PTCH1: variants seen among roughly 807,000 people sequenced by gnomAD.
PTCH1 encodes the protein patched 1.
A neutral mutation model predicts 144.6 loss-of-function variants in PTCH1; 14 were observed. That is an observed-to-expected ratio of 0.10 (90% CI 0.06 to 0.15). The LOEUF (loss-of-function observed/expected upper bound fraction) is 0.15. Among genes scored for constraint, PTCH1 ranks in the 10% least tolerant of loss-of-function variants. PTCH1 has a pLI of 1.00. For synonymous variants in PTCH1, 833 were observed against 793.6 expected (o/e 1.05, Z -0.83); for missense variants, 1,623 against 1,948.3 (o/e 0.83, Z 3.14).
At chr9:95,470,279 C>G (rs536036650) in intron 12 of PTCH1, among the ~76,000 whole-genome samples, 2 of 152,330 alleles carry the variant, frequency 1.3e-5, no homozygotes, top group Non-Finnish European at 1.5e-5. Flanking sequence ...CAAACAGAAG[C>G]AGTTCCCTTC....
chr9:95,469,870 C>T lies in PTCH1; in HGVS notation c.1790G>A (p.Ser597Asn), dbSNP rs2118093133. The T allele has an allele frequency of 6.2e-7, 1 of 1,614,116 alleles. No homozygotes were observed. The highest frequency in any genetic ancestry group is 8.5e-7 in the Non-Finnish European group (1 of 1,180,026). ...MVLLIFPAILSMDLYRREDRR... is the reference protein window; with the variant it reads ...MVLLIFPAILNMDLYRREDRR... ...GTCCTCGCGTCGATATAAATCCATG[C>T]TGAGAATTGCAGGAAAAATGAGCAG... The change falls in exon 13 of 24, where the codon AGC (serine) becomes AAC (asparagine). Residue 597 changes from serine to asparagine, a missense_variant. Ser to Asn is a conservative substitution (Grantham distance 46). Around this residue, in one of 7 missense-constraint regions of PTCH1, gnomAD observed 135 missense variants for 228.7 expected, o/e 0.59. Coordinates refer to ENST00000331920, the MANE Select transcript of PTCH1 (RefSeq NM_000264.5).
chr9:95,505,503 A>C (rs1164852316), intron 2 of PTCH1, among the ~76,000 whole-genome samples: 2 of 152,174 alleles, frequency 1.3e-5, no homozygotes, highest in African/African-American at 4.8e-5. Flanking sequence ...TCTTCGAAAA[A>C]ATATATATCT....
At position 95,481,488 on chromosome 9, in the gene PTCH1, TC is replaced by T. The variant is rs753222663; in HGVS notation, c.746+460del. Among the ~76,000 whole-genome samples, 11 of 152,346 alleles carry T rather than the reference TC, an allele frequency of 7.2e-5. No homozygotes were observed. In the East Asian group the frequency reaches 1.2e-3, roughly 16 times the overall value. ...CTGTGGCCTTCACAGATAGTGGATT[TC>T]CCCCTTAAATGCCATTAGTGTGATC... On this transcript the variant is annotated intron_variant, in intron 5 of 23. Transcript: ENST00000331920.
rs1838210172 is a variant in PTCH1, at chr9:95,449,118, T to C, written c.3755A>G (p.His1252Arg). The change falls in exon 22 of 24, where the codon CAC becomes CGC. Residue 1252 changes from histidine to arginine, a missense_variant. This residue lies in a region of PTCH1 where 291 missense variants were observed against 287.4 expected (regional missense o/e 1.01). Coordinates refer to ENST00000331920, the MANE Select transcript of PTCH1 (RefSeq NM_000264.5). This position sits in a 1 kb window ranked among gnomAD's most constrained non-coding sequence, Gnocchi z 5.3. ...TTCTGTGGCTTCCACGATCACTTGG[T>C]GGGCAGGGCCTCCCGCGCCCTGCTG... is the stretch of plus-strand genomic sequence containing the variant. ...EAQQGAGGPA[H>R]QVIVEATENP... 1 of 1,614,176 alleles carries C rather than the reference T, an allele frequency of 6.2e-7. No homozygotes were observed. The highest frequency in any genetic ancestry group is 8.5e-7 in the Non-Finnish European group (1 of 1,180,030).
Position 95,449,751 on chromosome 9 carries a change from G to T in PTCH1, c.3549+90C>A. On this transcript the variant is annotated intron_variant, in intron 21 of 23. Coordinates refer to ENST00000331920, the MANE Select transcript of PTCH1 (RefSeq NM_000264.5). This position sits in a 1 kb window ranked among gnomAD's most constrained non-coding sequence, Gnocchi z 5.3. ...TTACTGAAGAACCACCAGCAAGTGGGGAGGCACCTAAGTATCGAAGTGAAG... is the reference window on the plus strand; with the variant it reads ...TTACTGAAGAACCACCAGCAAGTGGTGAGGCACCTAAGTATCGAAGTGAAG... 2 of 1,185,332 alleles carry T rather than the reference G, an allele frequency of 1.7e-6. No homozygotes were observed. Among genetic ancestry groups the T allele is most frequent in the Non-Finnish European group, 2.5e-6 (2 of 803,910 alleles). 73.4% of individuals were successfully genotyped at this position (1,185,332 alleles called of 1,614,324 possible).
chr9:95,516,851 T>C (rs1290666068), exon 1 of PTCH1: 13 of 1,561,062 alleles, frequency 8.3e-6, no homozygotes, highest in East Asian at 2.3e-5. Flanking sequence ...TGCCGCGCCA[T>C]AGGCAGGACC....
chr9:95,447,192 G>T lies in PTCH1; in HGVS notation c.4064C>A (p.Thr1355Asn). The T allele has an allele frequency of 6.2e-7, 1 of 1,613,036 alleles. No homozygotes were observed. The highest frequency in any genetic ancestry group is 8.5e-7 in the Non-Finnish European group (1 of 1,179,918). The change falls in exon 23 of 24, where the codon ACT becomes AAT. Residue 1355 changes from threonine to asparagine, a missense_variant. Around this residue, in one of 7 missense-constraint regions of PTCH1, gnomAD observed 291 missense variants for 287.4 expected, o/e 1.01. Transcript: ENST00000331920. Reference sequence around the variant, plus strand: ...GCCGGGCACGGAGCTGCCCATGGCAGTGGACGCTGGGTTCCGAGGGTTGTG... The same window carrying T: ...GCCGGGCACGGAGCTGCCCATGGCATTGGACGCTGGGTTCCGAGGGTTGTG... The part of the protein sequence containing the change: ...RSHNPRNPAS[T>N]AMGSSVPGYC...
At chr9:95,494,214 C>CA (rs1842643083) in intron 2 of PTCH1, 1 of 985,528 alleles carries the variant, frequency 1.0e-6, no homozygotes, top group South Asian at 4.7e-5. Flanking sequence ...CATCTGTTAT[C>CA]AGCCTTGCCC....
intron 3 of PTCH1, 124 bp downstream of exon 3, chr9:95,485,561 G>C (rs1438279848): frequency 8.6e-7 from 1 of 1,156,642 alleles, no homozygotes; most frequent in Non-Finnish European, 1.3e-6. Context: ...AAAGCTATTT[G>C]AACTAATACT....
rs573719809 is a variant in PTCH1 at position 95,508,556 on chromosome 9, C to G, written c.-195G>C. The G allele has an allele frequency of 7.5e-3, 7,499 of 1,005,468 alleles. 47 individuals are homozygous for G. Among genetic ancestry groups the G allele is most frequent in the Admixed American group, 7.7e-3 (131 of 16,974 alleles). The allele number at this position is 1,005,468 out of a possible 1,614,324, so 62.3% of individuals were successfully genotyped here. ...CTGCTCACACGGCGGGCGCTGCTGC[C>G]GCTGCGGCCGCGGCCGCTGCCGGGG... On this transcript the variant is annotated 5_prime_UTR_variant, in exon 1 of 24. Coordinates refer to ENST00000331920, the MANE Select transcript of PTCH1 (RefSeq NM_000264.5).
chr9:95,498,729 G>A (rs549372616), intron 2 of PTCH1, among the ~76,000 whole-genome samples: 1 of 152,180 alleles, frequency 6.6e-6, no homozygotes, highest in African/African-American at 2.4e-5. Context: ...GAAAGTAACA[G>A]AAGTGTTTAT....
In PTCH1 at chr9:95,459,699, C is replaced by T. The variant is rs539755311; in HGVS notation, c.2788G>A (p.Asp930Asn). ...YIYLTAWVSN[D>N]PVAYAASQAN... ...TGGGAGGCAGCATACGCGACGGGGT[C>T]GTTGCTGACCCAAGCCGTCAGGTAG... The change falls in exon 17 of 24, where the codon GAC becomes AAC. Residue 930 changes from aspartate (D) to asparagine (N), a missense_variant. Physicochemically the swap from Asp to Asn is conservative, Grantham distance 23. Around this residue, in one of 7 missense-constraint regions of PTCH1, gnomAD observed 504 missense variants for 679.3 expected, o/e 0.74. Transcript: ENST00000331920. The T allele has an allele frequency of 2.8e-5, 45 of 1,614,152 alleles. No homozygotes were observed. The highest frequency in any genetic ancestry group is 3.5e-5 in the Non-Finnish European group (41 of 1,180,034).
At chr9:95,447,571 G>A (rs1233160866) in intron 22 of PTCH1, 120 bp from the exon 23 acceptor site, 2 of 1,065,642 alleles carry the variant, frequency 1.9e-6, no homozygotes, top group South Asian at 1.7e-5. Context: ...GGAGCCAATG[G>A]GGGCCTTCCA....
In PTCH1 at chr9:95,458,299, C is replaced by G. The variant is rs775208484; in HGVS notation, c.2888-6G>C. 4 of 1,613,080 alleles carry G rather than the reference C, an allele frequency of 2.5e-6. No individual in the cohort carries two copies. The highest frequency in any genetic ancestry group is 8.5e-7 in the Non-Finnish European group (1 of 1,179,848). On this transcript the variant is annotated splice_polypyrimidine_tract_variant and splice_region_variant and intron_variant, in intron 17 of 23. Transcript: ENST00000331920. The surrounding 1 kb of genome is among the most constrained non-coding windows in gnomAD (Gnocchi z 4.7). ...GATGGGCTCTGCTGCCGGGACTGGA[C>G]AGAGAAGGGCACAGGTTAGGAGCAG...
At position 95,457,449 on chromosome 9, in the gene PTCH1, A is replaced by T. The variant is rs570376186; in HGVS notation, c.3168+564T>A. On this transcript the variant is annotated intron_variant, in intron 18 of 23. Transcript: ENST00000331920. ...ATACCATAGTTCACAGAATTTAAAC[A>T]TTGCCACGGTTTTATTAGACTCTAC... Among the ~76,000 whole-genome samples the T allele has an allele frequency of 2.0e-5, 3 of 152,352 alleles. No homozygotes were observed. In the East Asian group the frequency reaches 5.8e-4, roughly 29 times the overall value.
intron 15 of PTCH1, among the ~76,000 whole-genome samples, chr9:95,465,013 C>A (rs919582929): frequency 3.3e-5 from 5 of 152,026 alleles, no homozygotes; most frequent in Non-Finnish European, 4.4e-5. Context: ...GATTGCTTAG[C>A]ACCAATGGAT....
intron 5 of PTCH1, 52 bp from the exon 6 acceptor site, chr9:95,480,640 C>A (rs760768347): frequency 4.5e-6 from 7 of 1,560,058 alleles, no homozygotes; most frequent in Non-Finnish European, 5.3e-6. Context: ...CTAAACGCAT[C>A]GTAAAGTAAC....
At chr9:95,490,212 G>A (rs1401921673) in intron 2 of PTCH1, among the ~76,000 whole-genome samples, 1 of 150,488 alleles carries the variant, frequency 6.6e-6, no homozygotes, top group Non-Finnish European at 1.5e-5. Flanking sequence ...GGTGGCTCAT[G>A]CCTGTAATCC....
chr9:95,446,481 T>G, intron 23 of PTCH1, 90 bp from the exon 24 acceptor site: 1 of 494,284 alleles, frequency 2.0e-6, no homozygotes, highest in Non-Finnish European at 4.0e-6. Context: ...GCAGTAACCT[T>G]GGTATTAGAA....
Sources: gnomAD v4.1 joint callset for allele counts (sites outside exome capture counted in the v4.1 genomes callset) on GRCh38, gnomAD v4.1.1 for gene constraint, gnomAD v4.1.1 regional missense constraint, Gnocchi (gnomAD v3.1) non-coding constraint, MANE v1.5 for transcripts, NCBI Gene and HGNC (gene_info 2026-07-23, HGNC 2026-07-21) for gene names.